GAB1: variants seen among roughly 807,000 people sequenced by gnomAD.
GAB1 encodes GRB2-associated-binding protein 1.
In GAB1, 19 loss-of-function variants were observed where a neutral mutation model predicts 66.5. The ratio of observed to expected loss-of-function variants is 0.29; its 90% confidence interval spans 0.20 to 0.42. The LOEUF (loss-of-function observed/expected upper bound fraction) is 0.42, where lower values mean the gene tolerates loss of function less well. GAB1 is among the 10% of genes least tolerant of loss of function. The probability of loss-of-function intolerance (pLI) is 1.00; values close to 1 mark genes in which losing one functional copy is unlikely to be tolerated. For missense variants in GAB1, 732 were observed against 858.5 expected (o/e 0.85, Z 1.84); for synonymous variants, 294 against 301.4 (o/e 0.98, Z 0.25).
At chr4:143,421,985 G>C (rs1733055022) in intron 2 of GAB1, among the ~76,000 whole-genome samples, 1 of 152,156 alleles carries the variant, frequency 6.6e-6, no homozygotes, top group South Asian at 2.1e-4. Context: ...AGGGTCTTCA[G>C]TAGTTGAGTG....
intron 9 of GAB1, among the ~76,000 whole-genome samples, chr4:143,466,690 A>G (rs1246834019): frequency 2.6e-5 from 4 of 151,876 alleles, no homozygotes; most frequent in Middle Eastern, 6.8e-3. Flanking sequence ...CGGTTTCACC[A>G]TGTTGGCCAG....
intron 1 of GAB1, among the ~76,000 whole-genome samples, chr4:143,369,737 C>T (rs917101628): frequency 5.3e-5 from 8 of 152,212 alleles, no homozygotes; most frequent in East Asian, 3.8e-4. Flanking sequence ...CTTGCTAAAC[C>T]GGGAAGCTGC....
intron 1 of GAB1, among the ~76,000 whole-genome samples, chr4:143,338,712 G>GGTGTGTGT (rs56381817): frequency 0.05 from 7,401 of 148,866 alleles, 218 homozygotes; most frequent in African/African-American, 0.076. Context: ...GAAAGGTAGG[G>GGTGTGTGT]GTGTGTGTGT....
At chr4:143,425,558 G>A in intron 2 of GAB1, 1 of 762,944 alleles carries the variant, frequency 1.3e-6, no homozygotes, top group Non-Finnish European at 2.4e-6. Flanking sequence ...CTCACTCCGT[G>A]GGTTTGATGT....
At chr4:143,361,368 C>G (rs1022946247) in intron 1 of GAB1, among the ~76,000 whole-genome samples, 1 of 152,158 alleles carries the variant, frequency 6.6e-6, no homozygotes, top group Non-Finnish European at 1.5e-5. Flanking sequence ...CTGACTTACT[C>G]TTACTGGGGA....
rs1560726049 is a variant in GAB1 at position 143,373,887 on chromosome 4, T to TATATATATATATATATATA, written c.72+36627_72+36628insATATATATATATATATATA. Among the ~76,000 whole-genome samples, 51 of 98,246 alleles carry TATATATATATATATATATA rather than the reference T, an allele frequency of 5.2e-4. 2 individuals carry two copies. The highest frequency in any genetic ancestry group is 5.6e-3 in the Middle Eastern group (1 of 180). 64.5% of individuals were successfully genotyped at this position (98,246 alleles called of 152,430 possible). On this transcript the variant is annotated intron_variant, in intron 1 of 9. Transcript: ENST00000262994. ...TAAATAAATATATATATATATATAT[T>TATATATATATATATATATA]TTTACCTTTCTAACATTGCAGGGAG...
chr4:143,355,899 A>ATAAG (rs1370635171), intron 1 of GAB1, among the ~76,000 whole-genome samples: 2 of 152,088 alleles, frequency 1.3e-5, no homozygotes, highest in Non-Finnish European at 2.9e-5. Flanking sequence ...GCTTTCCTAC[A>ATAAG]TAAGGGCTGG....
chr4:143,374,730 G>A (rs1730339281), intron 1 of GAB1, among the ~76,000 whole-genome samples: 1 of 152,136 alleles, frequency 6.6e-6, no homozygotes, highest in Non-Finnish European at 1.5e-5. Context: ...AGTTTTTACC[G>A]TTGTCCTGGA....
chr4:143,359,451 T>G (rs944241183), intron 1 of GAB1, among the ~76,000 whole-genome samples: 1 of 152,194 alleles, frequency 6.6e-6, no homozygotes, highest in South Asian at 2.1e-4. Flanking sequence ...TCCTCCTCCC[T>G]CGGTGTATAA....
chr4:143,393,180 G>A (rs1731266058), intron 1 of GAB1, among the ~76,000 whole-genome samples: 1 of 150,300 alleles, frequency 6.7e-6, no homozygotes, highest in African/African-American at 2.5e-5. Flanking sequence ...TGGCCTGTGG[G>A]CCTGATACTG....
intron 6 of GAB1, among the ~76,000 whole-genome samples, chr4:143,449,507 G>A (rs562006182): frequency 1.3e-5 from 2 of 152,182 alleles, no homozygotes; most frequent in South Asian, 4.2e-4. Context: ...AGGATAGTTA[G>A]CTCTTCTTGT....
intron 1 of GAB1, among the ~76,000 whole-genome samples, chr4:143,367,250 C>T (rs897422620): frequency 2.1e-5 from 3 of 141,658 alleles, no homozygotes; most frequent in Admixed American, 7.1e-5. Context: ...CCTATCTTCC[C>T]ATCCTTGATA....
intron 1 of GAB1, among the ~76,000 whole-genome samples, chr4:143,374,711 A>C (rs1222363092): frequency 6.6e-6 from 1 of 152,150 alleles, no homozygotes; most frequent in Non-Finnish European, 1.5e-5. Context: ...TCTCATGAAC[A>C]CTTGTCCTAG....
At chr4:143,388,484 G>A (rs1731021889) in intron 1 of GAB1, among the ~76,000 whole-genome samples, 1 of 152,128 alleles carries the variant, frequency 6.6e-6, no homozygotes, top group Admixed American at 6.5e-5. Context: ...GAGCGATCTC[G>A]GCTCACTGCA....
chr4:143,451,127 C>T (rs560489035), intron 6 of GAB1, among the ~76,000 whole-genome samples: 25 of 152,170 alleles, frequency 1.6e-4, no homozygotes, highest in Admixed American at 1.2e-3. Context: ...TCATAATTAC[C>T]GTGGAAGGGG....
intron 1 of GAB1, among the ~76,000 whole-genome samples, chr4:143,355,747 A>G (rs1486526442): frequency 1.3e-5 from 2 of 152,156 alleles, no homozygotes; most frequent in African/African-American, 2.4e-5. Context: ...CCCTGAGGAA[A>G]AAATTCTTTC....
rs1736093070 is a variant in GAB1 at position 143,471,798 on chromosome 4, T to TA, written c.*2611dup. 6.6e-6 allele frequency: 1 copy of TA among 152,154 alleles called. No individual in the cohort carries two copies. Among genetic ancestry groups the TA allele is most frequent in the Non-Finnish European group, 1.5e-5 (1 of 67,986 alleles). The allele number at this position is 152,154 out of a possible 1,614,324, so 9.4% of individuals were successfully genotyped here. ...TATCCTGGTAGTGGAAGTTAATACA[T>TA]AAGCAGTCTCCAGTGTGGTAAAGTA... On this transcript the variant is annotated 3_prime_UTR_variant, in exon 10 of 10. Coordinates refer to ENST00000262994, the MANE Select transcript of GAB1 (RefSeq NM_002039.4).
At chr4:143,464,276 C>T (rs1735661217) in intron 8 of GAB1, among the ~76,000 whole-genome samples, 1 of 152,198 alleles carries the variant, frequency 6.6e-6, no homozygotes, top group African/African-American at 2.4e-5. Flanking sequence ...GTTGCCCAGG[C>T]TGGAGTGCAG....
intron 1 of GAB1, among the ~76,000 whole-genome samples, chr4:143,342,777 G>A (rs1243372654): frequency 6.6e-6 from 1 of 151,516 alleles, no homozygotes; most frequent in Non-Finnish European, 1.5e-5. Context: ...TGGCCAGGCT[G>A]GTCTCGAACT....
Sources: gnomAD v4.1 joint callset for allele counts (sites outside exome capture counted in the v4.1 genomes callset) on GRCh38, gnomAD v4.1.1 for gene constraint, MANE v1.5 for transcripts, NCBI Gene and HGNC (gene_info 2026-07-23, HGNC 2026-07-21) for gene names.